Variants in ATP11A observed in about 807,000 individuals in gnomAD.
ATP11A encodes the protein phospholipid-transporting ATPase IH.
Under a neutral mutation model 154.4 loss-of-function variants are expected in ATP11A, and 81 were observed. The observed-to-expected ratio is 0.52, with a 90% CI of 0.44 to 0.63. The LOEUF (loss-of-function observed/expected upper bound fraction) is 0.63, where lower values mean the gene tolerates loss of function less well. Among genes scored for constraint, ATP11A ranks in the 30% least tolerant of loss-of-function variants. ATP11A has a pLI of 0.00. For synonymous variants in ATP11A, 623 were observed against 585.9 expected, an observed-to-expected ratio of 1.06 and a Z score of -0.91; for missense variants, 1,316 against 1,474.3, an observed-to-expected ratio of 0.89 and a Z score of 1.76.
intron 15 of ATP11A, among the ~76,000 whole-genome samples, chr13:112,835,308 C>T (rs368012509): frequency 7.2e-5 from 11 of 152,318 alleles, no homozygotes; most frequent in African/African-American, 2.2e-4. Context: ...GTCATGGTTC[C>T]GGCAAAGACA....
intron 1 of ATP11A, among the ~76,000 whole-genome samples, chr13:112,722,049 ACT>A (rs1308140608): frequency 2.0e-5 from 3 of 151,966 alleles, no homozygotes; most frequent in African/African-American, 7.2e-5. Context: ...CAAAAACCAA[ACT>A]CTGTATCAGT....
intron 1 of ATP11A, among the ~76,000 whole-genome samples, chr13:112,768,566 A>G (rs1048733666): frequency 1.3e-5 from 2 of 152,182 alleles, no homozygotes; most frequent in Admixed American, 6.5e-5. Flanking sequence ...TATGCCTACA[A>G]TGCATTCGTT....
At chr13:112,704,568 A>G (rs1236062007) in intron 1 of ATP11A, among the ~76,000 whole-genome samples, 1 of 152,222 alleles carries the variant, frequency 6.6e-6, no homozygotes, top group Admixed American at 6.5e-5. Flanking sequence ...AGAGTATGAG[A>G]TGGGCTGGGG....
intron 7 of ATP11A, 49 bp from the exon 8 acceptor site, chr13:112,819,850 CG>C: frequency 6.2e-7 from 1 of 1,609,848 alleles, no homozygotes. Flanking sequence ...GCGCGCTTCC[CG>C]GGGGCCGCTG....
At chr13:112,872,885 C>G (rs61961592) in intron 26 of ATP11A, among the ~76,000 whole-genome samples, 1 of 79,870 alleles carries the variant, frequency 1.3e-5, no homozygotes, top group African/African-American at 4.8e-5. Flanking sequence ...CTTTGTCTCC[C>G]GAACGGTGTG....
At position 112,854,518 on chromosome 13, in the gene ATP11A, A is replaced by C. The variant is rs571294658; in HGVS notation, c.2231A>C (p.Asp744Ala). 17 of 1,610,166 alleles carry C rather than the reference A, an allele frequency of 1.1e-5. No individual in the cohort carries two copies. In the South Asian group the frequency reaches 1.3e-4, roughly 12 times the overall value. ...CGCCACAGCGGGAGCCTGACCAGAGACAACCTGTCCGGGTAGGCAGCGCGT... is the reference window on the plus strand; with the variant it reads ...CGCCACAGCGGGAGCCTGACCAGAGCCAACCTGTCCGGGTAGGCAGCGCGT... Reference protein sequence around the residue: ...VLRHSGSLTRDNLSGLSADMQ... With the variant: ...VLRHSGSLTRANLSGLSADMQ... Residue 744 changes from aspartate to alanine, a missense_variant, in exon 19 of 30, where the codon GAC (aspartate) becomes GCC (alanine). By Grantham distance (126) the Asp-to-Ala change is moderately radical. Coordinates refer to ENST00000375645, the MANE Select transcript of ATP11A (RefSeq NM_015205.3).
chr13:112,837,259 A>C (rs1049327381), intron 16 of ATP11A, among the ~76,000 whole-genome samples: 1 of 152,320 alleles, frequency 6.6e-6, no homozygotes, highest in East Asian at 1.9e-4. Flanking sequence ...CACTGCCCAC[A>C]GCCCCCACAG....
intron 4 of ATP11A, among the ~76,000 whole-genome samples, chr13:112,809,725 A>G (rs914940144): frequency 1.3e-5 from 2 of 152,038 alleles, no homozygotes; most frequent in Admixed American, 6.5e-5. Context: ...TGTTACTGAG[A>G]ACGGCATTCC....
intron 1 of ATP11A, among the ~76,000 whole-genome samples, chr13:112,762,035 G>T (rs979725470): frequency 9.9e-5 from 15 of 152,182 alleles, no homozygotes; most frequent in African/African-American, 3.4e-4. Flanking sequence ...TCGTGACCTC[G>T]ATGGAAGATA....
chr13:112,805,028 TATC>T lies in ATP11A; in HGVS notation c.237_239del (p.Ile80del). The T allele has an allele frequency of 6.2e-7, 1 of 1,611,138 alleles. No individual in the cohort carries two copies. On this transcript the variant is annotated inframe_deletion, in exon 3 of 30. Coordinates refer to ENST00000375645, the MANE Select transcript of ATP11A (RefSeq NM_015205.3). ...GAAGAGTAGCCAACTTTTATTTCCT[TATC>T]ATATTTCTGGTGCAGGTAAGGCCGG...
chr13:112,796,480 G>T (rs2078001941), intron 2 of ATP11A, among the ~76,000 whole-genome samples: 1 of 152,240 alleles, frequency 6.6e-6, no homozygotes, highest in Non-Finnish European at 1.5e-5. Flanking sequence ...TGGCTTCAGA[G>T]GTTGAAGGGG....
chr13:112,858,312 C>T (rs1566580945), intron 22 of ATP11A, 22 bp downstream of exon 22: 3 of 1,598,806 alleles, frequency 1.9e-6, no homozygotes, highest in South Asian at 2.2e-5. Flanking sequence ...GCCGCTCCCC[C>T]TCACGGTGTT....
chr13:112,789,832 G>A (rs568474103), intron 2 of ATP11A, among the ~76,000 whole-genome samples: 7 of 148,042 alleles, frequency 4.7e-5, no homozygotes, highest in East Asian at 2.1e-4. Context: ...GTGTCCTGAC[G>A]TGTAGTAGAC....
intron 19 of ATP11A, among the ~76,000 whole-genome samples, chr13:112,855,477 C>A (rs1319029608): frequency 1.3e-5 from 2 of 152,322 alleles, no homozygotes; most frequent in Non-Finnish European, 2.9e-5. Flanking sequence ...CGCATCCAGC[C>A]TTCTTGTCAT....
At chr13:112,803,398 A>G (rs2078189705) in intron 2 of ATP11A, among the ~76,000 whole-genome samples, 2 of 152,260 alleles carry the variant, frequency 1.3e-5, no homozygotes, top group South Asian at 4.1e-4. Context: ...TCCAGGAGCC[A>G]GAACCCACCT....
chr13:112,802,989 T>C (rs2078179161), intron 2 of ATP11A, among the ~76,000 whole-genome samples: 1 of 152,184 alleles, frequency 6.6e-6, no homozygotes, highest in South Asian at 2.1e-4. Flanking sequence ...AGAGACTCTC[T>C]TCTGGAGCTC....
chr13:112,712,618 C>A (rs1334713066), intron 1 of ATP11A, among the ~76,000 whole-genome samples: 3 of 152,344 alleles, frequency 2.0e-5, no homozygotes, highest in African/African-American at 7.2e-5. Flanking sequence ...TCCACAGCCC[C>A]TCGACTCCCT....
chr13:112,752,375 C>T (rs769043531), intron 1 of ATP11A, among the ~76,000 whole-genome samples: 1 of 152,184 alleles, frequency 6.6e-6, no homozygotes, highest in Non-Finnish European at 1.5e-5. Context: ...TGACATGCAG[C>T]GCCATTCCCA....
chr13:112,733,545 A>G (rs753304855), intron 1 of ATP11A, among the ~76,000 whole-genome samples: 4 of 152,238 alleles, frequency 2.6e-5, no homozygotes. Context: ...GCCTAGTTCT[A>G]TTGTTGACTG....
Sources: allele counts gnomAD v4.1 joint callset (sites outside exome capture counted in the v4.1 genomes callset), GRCh38; gene constraint gnomAD v4.1.1; transcripts MANE v1.5; gene names NCBI Gene and HGNC (gene_info 2026-07-23, HGNC 2026-07-21).